KALRN: variants seen among roughly 807,000 people sequenced by gnomAD.
KALRN encodes kalirin.
A neutral mutation model predicts 353.7 loss-of-function variants in KALRN; 70 were observed. The ratio of observed to expected loss-of-function variants is 0.20; its 90% CI spans 0.16 to 0.24. KALRN has a LOEUF of 0.24. KALRN is among the 10% of genes least tolerant of loss of function. The pLI, the probability that KALRN is intolerant of heterozygous loss-of-function variation, is 1.00. For missense variants in KALRN, 2,791 were observed against 3,756.7 expected (o/e 0.74, Z 6.72); for synonymous variants, 1,391 against 1,434.8 (o/e 0.97, Z 0.69).
intron 1 of KALRN, among the ~76,000 whole-genome samples, chr3:124,173,009 C>T (rs1560143003): frequency 6.6e-6 from 1 of 151,988 alleles, no homozygotes; most frequent in Non-Finnish European, 1.5e-5. Context: ...GGAAATTAGG[C>T]TTCAGGAGAT....
intron 1 of KALRN, chr3:124,096,541 CTA>C (rs1414093281): frequency 6.6e-6 from 1 of 152,186 alleles, no homozygotes; most frequent in Non-Finnish European, 1.5e-5. Context: ...TAAGAAGAAA[CTA>C]GATGTTAATG....
chr3:124,382,710 CG>C (rs1471044180), intron 10 of KALRN, among the ~76,000 whole-genome samples: 1 of 152,066 alleles, frequency 6.6e-6, no homozygotes, highest in Non-Finnish European at 1.5e-5. Context: ...AGGGTTCTTG[CG>C]GGGGGAATCC....
chr3:124,227,041 T>A (rs1050763233), intron 1 of KALRN, among the ~76,000 whole-genome samples: 36 of 152,254 alleles, frequency 2.4e-4, no homozygotes, highest in Non-Finnish European at 4.6e-4. Flanking sequence ...GGTTAAATGA[T>A]AGGGATGCAA....
In KALRN at chr3:124,477,247, A is replaced by T. The variant is rs2289843; in HGVS notation, c.4104A>T (p.Ala1368=). Residue 1368 remains alanine (A), a splice_region_variant and synonymous_variant, in exon 27 of 60, where the codon GCA becomes GCT. Transcript: ENST00000682506. ...ATTATTATCTTTGTTCTTTTTAGGC[A>T]GACAAATTTCAGATGTATGTCACCT... ...EDVGHCFVTW[A]DKFQMYVTYC... is the part of the protein sequence containing the mutation. 0.13 allele frequency: 212,460 copies of T among 1,607,274 alleles called. 19,812 individuals carry two copies. Among genetic ancestry groups the T allele is most frequent in the East Asian group, 0.53 (23,952 of 44,798 alleles).
At chr3:124,538,291 T>A (rs1191498751) in intron 33 of KALRN, among the ~76,000 whole-genome samples, 1 of 151,850 alleles carries the variant, frequency 6.6e-6, no homozygotes, top group Admixed American at 6.6e-5. Context: ...TATGTGTGTG[T>A]GAGAGACAGA....
chr3:124,678,121 G>A (rs2087400691), intron 49 of KALRN, 69 bp from the exon 50 acceptor site: 2 of 1,567,882 alleles, frequency 1.3e-6, no homozygotes, highest in African/African-American at 1.3e-5. Flanking sequence ...ACCCAAGGGT[G>A]GTGAGCCCGC....
intron 33 of KALRN, among the ~76,000 whole-genome samples, chr3:124,538,414 G>A (rs1361677347): frequency 1.3e-5 from 2 of 152,180 alleles, no homozygotes; most frequent in Non-Finnish European, 2.9e-5. Context: ...GTTGGTCAGA[G>A]GAGAAGGTTG....
chr3:124,695,905 T>C (rs772002749), intron 53 of KALRN, among the ~76,000 whole-genome samples: 1 of 152,194 alleles, frequency 6.6e-6, no homozygotes, highest in Non-Finnish European at 1.5e-5. Flanking sequence ...CCTTATTTTA[T>C]CCCTCATGTA....
At chr3:124,658,562 A>G (rs2084389267) in intron 42 of KALRN, 45 bp downstream of exon 42, 2 of 1,428,360 alleles carry the variant, frequency 1.4e-6, no homozygotes, top group Non-Finnish European at 9.9e-7. Context: ...AGGAAAACTC[A>G]GGCCAAAACA....
chr3:124,411,453 T>TTTTTTTTTA (rs2092150330), intron 13 of KALRN, among the ~76,000 whole-genome samples: 1 of 135,274 alleles, frequency 7.4e-6, no homozygotes, highest in East Asian at 2.3e-4. Flanking sequence ...TTTTTTTTTT[T>TTTTTTTTTA]TTTTTTTTAA....
rs147742810 is a variant in KALRN at position 124,451,545 on chromosome 3, T to G, written c.3553-3632T>G. Among the ~76,000 whole-genome samples the G allele has an allele frequency of 3.2e-4, 49 of 152,280 alleles. No homozygotes were observed. The East Asian group carries it at 8.9e-3, about 28-fold the overall frequency. Reference sequence around the variant, plus strand: ...CAAGAACTGCTGCAGTCTGACCCCATTTTATTAGTTTCTATAAGTTACTGT... The same window carrying G: ...CAAGAACTGCTGCAGTCTGACCCCAGTTTATTAGTTTCTATAAGTTACTGT... On this transcript the variant is annotated intron_variant, in intron 21 of 59. Coordinates refer to ENST00000682506, the MANE Select transcript of KALRN (RefSeq NM_001388419.1).
intron 23 of KALRN, among the ~76,000 whole-genome samples, chr3:124,461,562 C>T (rs764198083): frequency 2.2e-4 from 33 of 152,080 alleles, no homozygotes; most frequent in Admixed American, 1.3e-3. Flanking sequence ...TATGAACAGT[C>T]CTACATGCCT....
In KALRN at chr3:124,243,086, C is replaced by T. The variant is rs114862911; in HGVS notation, c.263+8143C>T. On this transcript the variant is annotated intron_variant, in intron 3 of 59. Coordinates refer to ENST00000682506, the MANE Select transcript of KALRN (RefSeq NM_001388419.1). ...TCATCTTGTTCATTTTCCTTGAGTC[C>T]GAGATGTTTCCTTCACCCACCTGCC... Among the ~76,000 whole-genome samples, 599 of 152,194 alleles carry T rather than the reference C, an allele frequency of 3.9e-3. 2 individuals carry two copies. The highest frequency in any genetic ancestry group is 6.9e-3 in the Non-Finnish European group (470 of 68,022).
At position 124,598,826 on chromosome 3, in the gene KALRN, G is replaced by A. The variant is rs147258141; in HGVS notation, c.5183-33594G>A. Among the ~76,000 whole-genome samples the A allele has an allele frequency of 6.7e-3, 1,024 of 152,140 alleles. 7 individuals carry two copies. The highest frequency in any genetic ancestry group is 0.011 in the Non-Finnish European group (754 of 67,994). On this transcript the variant is annotated intron_variant, in intron 34 of 59. Coordinates refer to ENST00000682506, the MANE Select transcript of KALRN (RefSeq NM_001388419.1). ...AGAGTAGCTGGGACCACAGTAGCAC[G>A]CCACTACGCCTAGCTAATTTCTTAT...
chr3:124,107,351 T>C (rs531260082), intron 1 of KALRN, among the ~76,000 whole-genome samples: 1 of 152,272 alleles, frequency 6.6e-6, no homozygotes, highest in South Asian at 2.1e-4. Flanking sequence ...ATTTTTTTTT[T>C]CCTGTTGGAA....
intron 1 of KALRN, among the ~76,000 whole-genome samples, chr3:124,047,556 G>A (rs1287247488): frequency 2.0e-5 from 3 of 146,844 alleles, no homozygotes; most frequent in East Asian, 2.0e-4. Context: ...GCAGTGGCGC[G>A]ATCTCTGTTC....
intron 1 of KALRN, among the ~76,000 whole-genome samples, chr3:124,125,726 A>T (rs1386496810): frequency 6.6e-6 from 1 of 152,188 alleles, no homozygotes; most frequent in Non-Finnish European, 1.5e-5. Context: ...AAGTAAAATG[A>T]CTTGGAGTCA....
intron 33 of KALRN, among the ~76,000 whole-genome samples, chr3:124,512,335 GA>G (rs1387001256): frequency 1.3e-5 from 2 of 152,194 alleles, no homozygotes; most frequent in Non-Finnish European, 2.9e-5. Flanking sequence ...CTCTCAATAT[GA>G]AAGACTAATT....
At position 124,524,356 on chromosome 3, in the gene KALRN, G is replaced by A. The variant is rs560705540; in HGVS notation, c.4935+27943G>A. Among the ~76,000 whole-genome samples the A allele has an allele frequency of 2.0e-3, 308 of 152,230 alleles. 1 individual carries two copies. The highest frequency in any genetic ancestry group is 6.8e-3 in the Middle Eastern group (2 of 294). On this transcript the variant is annotated intron_variant, in intron 33 of 59. Coordinates refer to ENST00000682506, the MANE Select transcript of KALRN (RefSeq NM_001388419.1). ...GTACACACAGAGATAGGTATGTATC[G>A]GCAGCCCAAAAGCATGGTAAACAGG... is the stretch of plus-strand genomic sequence containing the variant.
Sources: gnomAD v4.1 joint callset for allele counts (sites outside exome capture counted in the v4.1 genomes callset) on GRCh38, gnomAD v4.1.1 for gene constraint, MANE v1.5 for transcripts, NCBI Gene and HGNC (gene_info 2026-07-23, HGNC 2026-07-21) for gene names.